CDK14: variants seen among roughly 807,000 people sequenced by gnomAD.
The protein encoded by CDK14 is cyclin dependent kinase 14.
CDK14 carries 34 observed loss-of-function variants against 60.7 expected under a neutral mutation model. That is an observed-to-expected ratio of 0.56 (90% confidence interval 0.43 to 0.75). CDK14 has a LOEUF of 0.75. Among genes scored for constraint, CDK14 ranks in the 30% least tolerant of loss-of-function variants. CDK14 has a pLI of 0.00. For missense variants in CDK14, 482 were observed against 564.1 expected, an observed-to-expected ratio of 0.85 and a Z score of 1.47; for synonymous variants, 197 against 203.7, an observed-to-expected ratio of 0.97 and a Z score of 0.28.
chr7:91,077,548 G>T (rs1413532385), intron 11 of CDK14, among the ~76,000 whole-genome samples: 3 of 151,900 alleles, frequency 2.0e-5, no homozygotes, highest in Non-Finnish European at 4.4e-5. Flanking sequence ...TGCATGCAGG[G>T]CTTAAAACCT....
intron 10 of CDK14, among the ~76,000 whole-genome samples, chr7:91,030,990 G>A (rs1467892593): frequency 6.6e-6 from 1 of 152,196 alleles, no homozygotes; most frequent in African/African-American, 2.4e-5. Flanking sequence ...CCTGGTGGGT[G>A]CATTTTCATC....
chr7:90,646,479 T>TC (rs145941486), intron 2 of CDK14, among the ~76,000 whole-genome samples: 14,293 of 151,688 alleles, frequency 0.094, 837 homozygotes, highest in South Asian at 0.15. Flanking sequence ...CATTAAGCTT[T>TC]CCCCCTCACT....
chr7:91,180,575 C>T (rs372839349), intron 14 of CDK14, among the ~76,000 whole-genome samples: 1 of 152,054 alleles, frequency 6.6e-6, no homozygotes, highest in Non-Finnish European at 1.5e-5. Flanking sequence ...TTTTTTTGCT[C>T]ATTTGTGACT....
chr7:90,821,765 C>G (rs1384574569), intron 5 of CDK14, among the ~76,000 whole-genome samples: 2 of 152,172 alleles, frequency 1.3e-5, no homozygotes, highest in African/African-American at 4.8e-5. Context: ...TATTAGACTT[C>G]CGGGGTCCCA....
At chr7:90,720,657 A>T (rs1164649749) in intron 2 of CDK14, among the ~76,000 whole-genome samples, 1 of 152,220 alleles carries the variant, frequency 6.6e-6, no homozygotes, top group Non-Finnish European at 1.5e-5. Context: ...GCAAATTATT[A>T]ATATATTACT....
intron 6 of CDK14, among the ~76,000 whole-genome samples, chr7:90,878,093 TGAGA>T (rs1032159968): frequency 1.1e-4 from 16 of 149,652 alleles, no homozygotes; most frequent in Non-Finnish European, 1.9e-4. Flanking sequence ...TGTGTGTGTG[TGAGA>T]GAGAGAGAGA....
chr7:91,063,054 G>A lies in CDK14; in HGVS notation c.1106-16378G>A, dbSNP rs533721280. ...ACTGTTTATGCAAACTGTCAGTGGG[G>A]CAGAGAAGTATCATCCACTCATGAA... On this transcript the variant is annotated intron_variant, in intron 11 of 14. Coordinates refer to ENST00000380050, the MANE Select transcript of CDK14 (RefSeq NM_001287135.2). Among the ~76,000 whole-genome samples, 91 of 152,326 alleles carry A rather than the reference G, an allele frequency of 6.0e-4. No individual in the cohort carries two copies. The South Asian group carries it at 0.018, about 30-fold the overall frequency.
rs374025395 is a variant in CDK14, at chr7:90,635,508, C to T, written c.123+31259C>T. Among the ~76,000 whole-genome samples the T allele has an allele frequency of 2.4e-4, 37 of 152,258 alleles. No individual in the cohort carries two copies. The East Asian group carries it at 2.5e-3, about 10-fold the overall frequency. ...ATTGATCTATATCTCTGTTTTGGTA[C>T]CAGTACCATGCTGTTTTGGTTACTG... is the stretch of plus-strand genomic sequence containing the variant. On this transcript the variant is annotated intron_variant, in intron 2 of 14. Coordinates refer to ENST00000380050, the MANE Select transcript of CDK14 (RefSeq NM_001287135.2).
chr7:91,078,178 A>G (rs1241925059), intron 11 of CDK14, among the ~76,000 whole-genome samples: 1 of 150,190 alleles, frequency 6.7e-6, no homozygotes, highest in African/African-American at 2.5e-5. Context: ...AGGTAGAGAG[A>G]CATGTACAAG....
At chr7:90,900,838 T>C (rs1792484149) in intron 7 of CDK14, among the ~76,000 whole-genome samples, 2 of 152,316 alleles carry the variant, frequency 1.3e-5, no homozygotes, top group Admixed American at 1.3e-4. Context: ...CCCTGTTTAG[T>C]TTCTCACCAA....
At chr7:90,964,408 TG>T (rs1412121600) in intron 9 of CDK14, among the ~76,000 whole-genome samples, 7 of 152,216 alleles carry the variant, frequency 4.6e-5, no homozygotes, top group African/African-American at 1.7e-4. Flanking sequence ...ACTTCTTAGC[TG>T]GGTGACTTTA....
intron 14 of CDK14, among the ~76,000 whole-genome samples, chr7:91,158,099 A>AT (rs1801041143): frequency 6.8e-6 from 1 of 147,716 alleles, no homozygotes; most frequent in Non-Finnish European, 1.5e-5. Context: ...TTAAATATAT[A>AT]TAAATATTTA....
chr7:91,175,005 C>T (rs148103161), intron 14 of CDK14, among the ~76,000 whole-genome samples: 49,575 of 133,562 alleles, frequency 0.37, 10,307 homozygotes, highest in African/African-American at 0.57. Context: ...CACATAATTG[C>T]CAGATTCACC....
chr7:90,709,408 G>A (rs1801978968), intron 2 of CDK14: 7 of 1,411,976 alleles, frequency 5.0e-6, no homozygotes, highest in South Asian at 3.1e-5. Context: ...GCATCCCCTT[G>A]ATTAAATGTT....
chr7:90,941,654 A>G (rs891618537), intron 8 of CDK14, among the ~76,000 whole-genome samples: 7 of 151,184 alleles, frequency 4.6e-5, no homozygotes, highest in East Asian at 1.9e-4. Context: ...ACATCTTGCT[A>G]TGTTGCCCAG....
chr7:91,116,879 C>G (rs1032979694), intron 13 of CDK14, among the ~76,000 whole-genome samples: 1 of 151,744 alleles, frequency 6.6e-6, no homozygotes, highest in Admixed American at 6.6e-5. Context: ...CCTCATCTGC[C>G]AGACCTTTCA....
At chr7:90,741,070 AT>A (rs1803324897) in intron 3 of CDK14, among the ~76,000 whole-genome samples, 1 of 152,150 alleles carries the variant, frequency 6.6e-6, no homozygotes, top group Non-Finnish European at 1.5e-5. Flanking sequence ...TTGAGGAGGA[AT>A]TGACCCCACA....
intron 14 of CDK14, among the ~76,000 whole-genome samples, chr7:91,144,287 T>C (rs992744627): frequency 2.0e-5 from 3 of 152,230 alleles, no homozygotes; most frequent in East Asian, 1.9e-4. Context: ...TGTTGGTTTT[T>C]CAAATAGATA....
intron 6 of CDK14, among the ~76,000 whole-genome samples, chr7:90,881,047 T>A (rs372969574): frequency 3.1e-4 from 47 of 152,266 alleles, no homozygotes; most frequent in African/African-American, 1.1e-3. Flanking sequence ...TCCAAATGAT[T>A]GCAATGTCTC....
Sources: allele counts gnomAD v4.1 joint callset (sites outside exome capture counted in the v4.1 genomes callset), GRCh38; gene constraint gnomAD v4.1.1; transcripts MANE v1.5; gene names NCBI Gene and HGNC (gene_info 2026-07-23, HGNC 2026-07-21).